The following PCDHGB1 variants were observed in gnomAD, a reference collection of about 807,000 sequenced individuals.
PCDHGB1 encodes protocadherin gamma-B1.
A neutral mutation model predicts 56.6 loss-of-function variants in PCDHGB1; 34 were observed. The observed-to-expected ratio is 0.60, with a 90% CI of 0.46 to 0.80. The LOEUF is 0.80. Ranked by LOEUF, PCDHGB1 falls within the 30% of genes least tolerant of loss-of-function variation. The pLI is 0.00. For missense variants in PCDHGB1, 1,278 were observed against 1,204.6 expected (o/e 1.06, Z -0.90); for synonymous variants, 561 against 505.9 (o/e 1.11, Z -1.46).
intron 1 of PCDHGB1, chr5:141,392,843 C>T (rs77141792): frequency 0.027 from 43,247 of 1,608,962 alleles, 854 homozygotes; most frequent in African/African-American, 0.093. Context: ...GCCCCAGACG[C>T]GGCGAGCTGA....
chr5:141,402,642 A>C (rs1236156893), intron 1 of PCDHGB1, among the ~76,000 whole-genome samples: 2 of 152,240 alleles, frequency 1.3e-5, no homozygotes, highest in Non-Finnish European at 2.9e-5. Flanking sequence ...TAAAATCATA[A>C]TTAGAAGAGA....
intron 1 of PCDHGB1, chr5:141,389,992 T>C (rs1454071261): frequency 6.2e-7 from 1 of 1,614,010 alleles, no homozygotes; most frequent in South Asian, 1.1e-5. Flanking sequence ...CTCTTCCTCG[T>C]GGCCATGATT....
rs2099402935 is a variant in PCDHGB1, at chr5:141,476,991, G to A, written c.2410-17816G>A. On this transcript the variant is annotated intron_variant, in intron 1 of 3. Transcript: ENST00000523390. The surrounding 1 kb of genome is among the most constrained non-coding windows in gnomAD (Gnocchi z 7.6). ...GGCAGCCACAACCGCGCCGGCGTGC[G>A]GCAACTATTCGCCTTAGACCTTGTA... 4 of 1,614,094 alleles carry A rather than the reference G, an allele frequency of 2.5e-6. No homozygotes were observed. Among genetic ancestry groups the A allele is most frequent in the Non-Finnish European group, 3.4e-6 (4 of 1,180,056 alleles).
At chr5:141,439,774 T>G (rs1435214431) in intron 1 of PCDHGB1, 2 of 152,364 alleles carry the variant, frequency 1.3e-5, no homozygotes, top group East Asian at 3.9e-4. Context: ...CCTTCTTGGC[T>G]GGAGATTCTA....
intron 1 of PCDHGB1, among the ~76,000 whole-genome samples, chr5:141,359,797 G>A (rs1404326992): frequency 6.6e-6 from 1 of 152,066 alleles, no homozygotes; most frequent in African/African-American, 2.4e-5. Context: ...TGCATCTTTT[G>A]AATTTGGAAC....
At chr5:141,375,054 G>A (rs749207935) in intron 1 of PCDHGB1, 3 of 1,614,004 alleles carry the variant, frequency 1.9e-6, no homozygotes, top group Non-Finnish European at 2.5e-6. Flanking sequence ...GCCCGGGATG[G>A]GCCAGGTCTT....
intron 1 of PCDHGB1, chr5:141,383,762 T>G (rs777698869): frequency 4.3e-6 from 7 of 1,613,846 alleles, no homozygotes; most frequent in Non-Finnish European, 5.9e-6. Context: ...ACTCCTAAAC[T>G]TCCAAAGATG....
chr5:141,418,996 TG>T (rs745777250), intron 1 of PCDHGB1: 13 of 1,613,756 alleles, frequency 8.1e-6, no homozygotes, highest in Non-Finnish European at 1.1e-5. Flanking sequence ...CAGGGGAAAA[TG>T]GGGAAGTCAG....
At chr5:141,379,767 A>G (rs1366813038) in intron 1 of PCDHGB1, 3 of 152,120 alleles carry the variant, frequency 2.0e-5, no homozygotes, top group Non-Finnish European at 4.4e-5. Context: ...CCTGCAATAC[A>G]GATCATTAAT....
intron 1 of PCDHGB1, chr5:141,403,373 A>C: frequency 6.2e-7 from 1 of 1,614,074 alleles, no homozygotes; most frequent in Non-Finnish European, 8.5e-7. Flanking sequence ...TCTGGAAGTA[A>C]AAATTAACGA....
chr5:141,495,005 C>A, intron 2 of PCDHGB1, 140 bp downstream of exon 2: 1 of 1,522,810 alleles, frequency 6.6e-7, no homozygotes. Context: ...TCTTGGTGTG[C>A]GGGGGGCTGG....
At chr5:141,354,969 T>C in intron 1 of PCDHGB1, 1 of 516,794 alleles carries the variant, frequency 1.9e-6, no homozygotes, top group Non-Finnish European at 3.2e-6. Context: ...GTTAAGACTC[T>C]GGGTGTCGCT....
At chr5:141,447,433 C>T (rs756021616) in intron 1 of PCDHGB1, among the ~76,000 whole-genome samples, 5 of 152,118 alleles carry the variant, frequency 3.3e-5, no homozygotes, top group African/African-American at 7.2e-5. Context: ...CCACCGCACC[C>T]GGAGGAAATT....
chr5:141,469,505 G>T (rs2099202987), intron 1 of PCDHGB1, among the ~76,000 whole-genome samples: 1 of 152,138 alleles, frequency 6.6e-6, no homozygotes. Flanking sequence ...AACCCGGGAG[G>T]TGGAGGTTGC....
chr5:141,413,711 A>G (rs752076648), intron 1 of PCDHGB1: 199 of 1,613,564 alleles, frequency 1.2e-4, no homozygotes, highest in Non-Finnish European at 1.4e-4. Context: ...CTCAGCCCCA[A>G]TAAGCACTTC....
At chr5:141,408,901 G>T (rs529239605) in intron 1 of PCDHGB1, 2 of 1,613,100 alleles carry the variant, frequency 1.2e-6, no homozygotes, top group African/African-American at 2.7e-5. Flanking sequence ...TTTCTGTCAA[G>T]GATACCAATG....
At chr5:141,437,944 G>A (rs576107104) in intron 1 of PCDHGB1, among the ~76,000 whole-genome samples, 1 of 152,178 alleles carries the variant, frequency 6.6e-6, no homozygotes, top group South Asian at 2.1e-4. Flanking sequence ...CACCATATTG[G>A]CCAGAATGGT....
chr5:141,395,254 G>T, intron 1 of PCDHGB1: 1 of 1,556,766 alleles, frequency 6.4e-7, no homozygotes, highest in Non-Finnish European at 8.7e-7. Context: ...TTAGTTCTTT[G>T]CTTGCTTTTA....
intron 1 of PCDHGB1, chr5:141,365,296 G>A: frequency 1.2e-6 from 2 of 1,614,002 alleles, no homozygotes; most frequent in Non-Finnish European, 1.7e-6. Context: ...TGGTAGCTCA[G>A]GATGGAGGCG....
Sources: gnomAD v4.1 joint callset for allele counts (sites outside exome capture counted in the v4.1 genomes callset) on GRCh38, gnomAD v4.1.1 for gene constraint, Gnocchi (gnomAD v3.1) non-coding constraint, MANE v1.5 for transcripts, NCBI Gene and HGNC (gene_info 2026-07-23, HGNC 2026-07-21) for gene names.